SCIN: variants seen among roughly 807,000 people sequenced by gnomAD.
SCIN encodes adseverin.
In SCIN, 91 loss-of-function variants were observed where a neutral mutation model predicts 91.8. That is an observed-to-expected ratio of 0.99 (90% confidence interval 0.84 to 1.18). The LOEUF is 1.18. Among genes scored for constraint, SCIN ranks in the 50% most tolerant of loss-of-function variants. SCIN has a pLI of 0.00. For synonymous variants in SCIN, 367 were observed against 312.6 expected, an observed-to-expected ratio of 1.17 and a Z score of -1.84; for missense variants, 1,087 against 863.9, an observed-to-expected ratio of 1.26 and a Z score of -3.24.
intron 1 of SCIN, among the ~76,000 whole-genome samples, chr7:12,575,921 G>T (rs931264794): frequency 6.6e-6 from 1 of 152,076 alleles, no homozygotes; most frequent in African/African-American, 2.4e-5. Flanking sequence ...CCTCATTCAG[G>T]CATCCTGTTT....
intron 4 of SCIN, among the ~76,000 whole-genome samples, chr7:12,622,332 G>A (rs1783426826): frequency 6.6e-6 from 1 of 152,056 alleles, no homozygotes; most frequent in Non-Finnish European, 1.5e-5. Flanking sequence ...TCAAGAGCTT[G>A]CACTTCATCC....
intron 13 of SCIN, among the ~76,000 whole-genome samples, chr7:12,645,851 T>A (rs1783956226): frequency 6.6e-6 from 1 of 152,234 alleles, no homozygotes; most frequent in Non-Finnish European, 1.5e-5. Context: ...TTCTTAAAAG[T>A]ACTAGCTACT....
intron 3 of SCIN, among the ~76,000 whole-genome samples, chr7:12,603,473 C>T (rs1357508852): frequency 6.6e-6 from 1 of 152,104 alleles, no homozygotes; most frequent in Non-Finnish European, 1.5e-5. Flanking sequence ...CTAAACCACC[C>T]TTAAAAAACC....
chr7:12,609,805 G>C (rs1358505848), intron 4 of SCIN, among the ~76,000 whole-genome samples: 1 of 151,942 alleles, frequency 6.6e-6, no homozygotes, highest in African/African-American at 2.4e-5. Context: ...TTGAACTCTT[G>C]CTTTTATAAA....
chr7:12,653,598 AAC>A lies in SCIN; in HGVS notation c.*887_*888del, dbSNP rs1381323930. On this transcript the variant is annotated 3_prime_UTR_variant, in exon 16 of 16. Transcript: ENST00000297029. The surrounding 1 kb of genome is among the most constrained non-coding windows in gnomAD (Gnocchi z 4.1). ...TTTAACCTTATTAAAAGCCTTTGAA[AAC>A]ACAGCTCTTTCATGACAAAATGAAT... is the stretch of plus-strand genomic sequence containing the variant. 1.3e-5 allele frequency: 2 copies of A among 152,188 alleles called. No individual in the cohort carries two copies. Among genetic ancestry groups the A allele is most frequent in the African/African-American group, 4.8e-5 (2 of 41,456 alleles). 9.4% of individuals were successfully genotyped at this position (152,188 alleles called of 1,614,324 possible). A position where few individuals can be genotyped will look rare whatever the true frequency, so the allele number is the denominator to read the frequency against.
At chr7:12,586,988 G>T (rs567245237) in intron 3 of SCIN, among the ~76,000 whole-genome samples, 1 of 152,078 alleles carries the variant, frequency 6.6e-6, no homozygotes, top group Non-Finnish European at 1.5e-5. Flanking sequence ...AGCAATATAG[G>T]AGGAATAAAT....
chr7:12,628,116 A>G (rs1271214963), intron 8 of SCIN, among the ~76,000 whole-genome samples: 2 of 149,644 alleles, frequency 1.3e-5, no homozygotes, highest in East Asian at 4.0e-4. Context: ...TTCGTTTGTT[A>G]CTCTCCTGTT....
chr7:12,632,139 A>ATTTTAATTTAATTTTATT (rs1562626815), intron 9 of SCIN, among the ~76,000 whole-genome samples: 5 of 139,546 alleles, frequency 3.6e-5, no homozygotes, highest in African/African-American at 1.5e-4. Context: ...ATTTTATTTT[A>ATTTTAATTTAATTTTATT]TTTTATTTTA....
At chr7:12,579,186 A>T (rs1211980234) in intron 2 of SCIN, among the ~76,000 whole-genome samples, 1 of 152,086 alleles carries the variant, frequency 6.6e-6, no homozygotes, top group Non-Finnish European at 1.5e-5. Context: ...TAAGATGGCG[A>T]GGTTTATTTA....
chr7:12,644,741 T>A (rs1479386586), intron 13 of SCIN, 36 bp downstream of exon 13: 4 of 1,542,598 alleles, frequency 2.6e-6, no homozygotes, highest in Non-Finnish European at 2.6e-6. Flanking sequence ...TAGGGCTGGT[T>A]GCGGTGGCTC....
chr7:12,599,947 C>G (rs1348669077), intron 3 of SCIN, among the ~76,000 whole-genome samples: 1 of 152,126 alleles, frequency 6.6e-6, no homozygotes, highest in Non-Finnish European at 1.5e-5. Flanking sequence ...CTAATATTTT[C>G]TCCCATTCTG....
At chr7:12,610,833 A>G (rs181820226) in intron 4 of SCIN, among the ~76,000 whole-genome samples, 2 of 152,292 alleles carry the variant, frequency 1.3e-5, no homozygotes, top group East Asian at 3.9e-4. Context: ...ACTTAGTGCA[A>G]TACTGTCCCA....
chr7:12,577,470 C>A, intron 1 of SCIN: 1 of 452,038 alleles, frequency 2.2e-6, no homozygotes, highest in Non-Finnish European at 4.4e-6. Flanking sequence ...TTACTTAAAT[C>A]TCATTGGAAT....
chr7:12,610,960 C>G (rs748520291), intron 4 of SCIN: 1 of 152,208 alleles, frequency 6.6e-6, no homozygotes, highest in Non-Finnish European at 1.5e-5. Context: ...TTACGTCCCT[C>G]TCAGGTCAGG....
At chr7:12,612,457 C>T (rs571872049) in intron 4 of SCIN, among the ~76,000 whole-genome samples, 2 of 152,172 alleles carry the variant, frequency 1.3e-5, no homozygotes, top group African/African-American at 4.8e-5. Flanking sequence ...GAATCTTTCT[C>T]TTTCTCCTCT....
chr7:12,647,463 A>G (rs1178796902), intron 13 of SCIN, among the ~76,000 whole-genome samples: 1 of 152,196 alleles, frequency 6.6e-6, no homozygotes, highest in Non-Finnish European at 1.5e-5. Flanking sequence ...ATGTGCTGTC[A>G]CTTATCTGGT....
In SCIN at chr7:12,631,369, C is replaced by G. The variant is rs117443396; in HGVS notation, c.1319+2147C>G. Among the ~76,000 whole-genome samples the G allele has an allele frequency of 3.5e-4, 54 of 152,184 alleles. No individual in the cohort carries two copies. In the East Asian group the frequency reaches 0.01, roughly 29 times the overall value. The stretch of plus-strand genomic sequence containing the variant: ...CAATATAAAGGATTTTATGTAAGAT[C>G]AAGTTGAGTGATCTTTGGATAATTA... On this transcript the variant is annotated intron_variant, in intron 9 of 15. Coordinates refer to ENST00000297029, the MANE Select transcript of SCIN (RefSeq NM_001112706.3).
At position 12,626,781 on chromosome 7, in the gene SCIN, T is replaced by A; in HGVS notation, c.1179T>A (p.Asp393Glu). 6.2e-7 allele frequency: 1 copy of A among 1,609,436 alleles called. No individual in the cohort carries two copies. The highest frequency in any genetic ancestry group is 1.1e-5 in the South Asian group (1 of 89,830). ...CAGCCCAGCACAATATGGTGGATGA[T>A]GGTTCTGGCAAAGTGGAGGTATTTA... The part of the protein sequence containing the change: ...QMAAQHNMVD[D>E]GSGKVEIWRV... Residue 393 changes from aspartate to glutamate, a missense_variant, in exon 8 of 16, where the codon GAT (aspartate) becomes GAA (glutamate). Physicochemically the swap from Asp to Glu is conservative, Grantham distance 45 (BLOSUM62 2). Transcript: ENST00000297029.
chr7:12,593,410 CAG>C (rs755232281), intron 3 of SCIN, among the ~76,000 whole-genome samples: 3 of 152,112 alleles, frequency 2.0e-5, no homozygotes, highest in Non-Finnish European at 4.4e-5. Context: ...TGCCGGATGT[CAG>C]GGGCAGATTG....
Sources: gnomAD v4.1 joint callset for allele counts (sites outside exome capture counted in the v4.1 genomes callset) on GRCh38, gnomAD v4.1.1 for gene constraint, Gnocchi (gnomAD v3.1) non-coding constraint, MANE v1.5 for transcripts, NCBI Gene and HGNC (gene_info 2026-07-23, HGNC 2026-07-21) for gene names.